HPSE2: variants seen among roughly 807,000 people sequenced by gnomAD.
HPSE2 encodes the protein heparanase 2 (inactive), also known as inactive heparanase-2.
HPSE2 carries 38 observed loss-of-function variants against 60.5 expected under a neutral mutation model. The ratio of observed to expected loss-of-function variants is 0.63; its 90% CI spans 0.48 to 0.82. HPSE2 has a LOEUF of 0.82. Among genes scored for constraint, HPSE2 ranks in the 40% least tolerant of loss-of-function variants. The pLI is 0.00. For missense variants in HPSE2, 713 were observed against 740.4 expected, an observed-to-expected ratio of 0.96 and a Z score of 0.43; for synonymous variants, 295 against 293.2, an observed-to-expected ratio of 1.01 and a Z score of -0.06.
chr10:98,929,795 T>A (rs1206092951), intron 3 of HPSE2, among the ~76,000 whole-genome samples: 1 of 144,250 alleles, frequency 6.9e-6, no homozygotes, highest in Non-Finnish European at 1.5e-5. Context: ...GAGCTGAGAA[T>A]TATTTTTACA....
intron 3 of HPSE2, among the ~76,000 whole-genome samples, chr10:98,894,457 A>G (rs1470534782): frequency 1.3e-5 from 2 of 152,324 alleles, no homozygotes; most frequent in Non-Finnish European, 2.9e-5. Flanking sequence ...GTTACCATTT[A>G]AAGTTCAATA....
chr10:99,072,575 A>T (rs1393385384), intron 3 of HPSE2, among the ~76,000 whole-genome samples: 1 of 152,214 alleles, frequency 6.6e-6, no homozygotes, highest in Non-Finnish European at 1.5e-5. Context: ...TGATCATTAG[A>T]GAAATGCAAA....
At chr10:99,094,540 A>ATATATATATATATAT (rs1843646305) in intron 3 of HPSE2, among the ~76,000 whole-genome samples, 1 of 26,612 alleles carries the variant, frequency 3.8e-5, no homozygotes, top group Non-Finnish European at 6.0e-5. Context: ...ATATATATAT[A>ATATATATATATATAT]TTTTTTTTTT....
At chr10:99,282,109 A>G in the HPSE2 span, among the ~76,000 whole-genome samples, 1 of 152,096 alleles carries the variant, frequency 6.6e-6, no homozygotes, top group South Asian at 2.1e-4. Context: ...CATACAAAAA[A>G]TTAGCCAGGC....
chr10:98,844,539 A>C (rs1951991679), intron 3 of HPSE2, among the ~76,000 whole-genome samples: 1 of 152,222 alleles, frequency 6.6e-6, no homozygotes. Context: ...AGACAAAGAT[A>C]GAGAAATATT....
At chr10:99,276,499 C>G in the HPSE2 span, among the ~76,000 whole-genome samples, 1 of 152,082 alleles carries the variant, frequency 6.6e-6, no homozygotes, top group Non-Finnish European at 1.5e-5. Context: ...CCTATTAGCC[C>G]CTTATTTTCT....
chr10:98,592,187 A>T (rs1306835370), intron 9 of HPSE2, among the ~76,000 whole-genome samples: 1 of 152,194 alleles, frequency 6.6e-6, no homozygotes, highest in African/African-American at 2.4e-5. Context: ...ATCTGATTTT[A>T]GTTAAACCTT....
intron 3 of HPSE2, among the ~76,000 whole-genome samples, chr10:98,891,565 C>T (rs1408786453): frequency 6.6e-6 from 1 of 152,038 alleles, no homozygotes; most frequent in Non-Finnish European, 1.5e-5. Flanking sequence ...CTTCCCACCT[C>T]AGCCTCTGGA....
At chr10:98,468,875 T>C (rs1940665139) in intron 11 of HPSE2, among the ~76,000 whole-genome samples, 1 of 152,174 alleles carries the variant, frequency 6.6e-6, no homozygotes, top group African/African-American at 2.4e-5. Flanking sequence ...TGGAGTTCCT[T>C]GTCCCTAAGA....
rs114631898 is a variant in HPSE2, at chr10:98,734,932, A to C, written c.784+8951T>G. ...ACACAAACACACACAAACACACACA[A>C]TTTCCCATTATTATCTTGCCTTGGT... On this transcript the variant is annotated intron_variant, in intron 4 of 11. Transcript: ENST00000370552. Among the ~76,000 whole-genome samples the C allele has an allele frequency of 3.7e-3, 554 of 150,204 alleles. 4 individuals are homozygous for C. The highest frequency in any genetic ancestry group is 0.013 in the African/African-American group (535 of 41,068).
chr10:98,925,891 A>G (rs1954444606), intron 3 of HPSE2, among the ~76,000 whole-genome samples: 1 of 152,156 alleles, frequency 6.6e-6, no homozygotes, highest in South Asian at 2.1e-4. Flanking sequence ...GGGATATTAA[A>G]GACAAGAAGA....
At chr10:98,892,534 T>C (rs750036140) in intron 3 of HPSE2, among the ~76,000 whole-genome samples, 4 of 152,320 alleles carry the variant, frequency 2.6e-5, no homozygotes, top group Non-Finnish European at 4.4e-5. Flanking sequence ...TTTCCCAATC[T>C]ACGAACTCTC....
At chr10:98,962,883 A>G (rs542989698) in intron 3 of HPSE2, among the ~76,000 whole-genome samples, 17 of 152,166 alleles carry the variant, frequency 1.1e-4, no homozygotes, top group Non-Finnish European at 1.3e-4. Context: ...AGGGATGTGA[A>G]GGACCTCTTC....
intron 3 of HPSE2, among the ~76,000 whole-genome samples, chr10:98,910,043 A>T (rs1234414144): frequency 1.3e-5 from 2 of 152,218 alleles, no homozygotes; most frequent in African/African-American, 4.8e-5. Context: ...CCATAATGCT[A>T]TTATAAGAAG....
At chr10:98,753,565 C>A (rs1949808741) in intron 3 of HPSE2, among the ~76,000 whole-genome samples, 1 of 152,056 alleles carries the variant, frequency 6.6e-6, no homozygotes, top group Non-Finnish European at 1.5e-5. Flanking sequence ...TATTATTCAC[C>A]CATAAAAAGG....
At chr10:98,626,738 C>G (rs1442269779) in intron 7 of HPSE2, among the ~76,000 whole-genome samples, 1 of 151,940 alleles carries the variant, frequency 6.6e-6, no homozygotes, top group African/African-American at 2.4e-5. Flanking sequence ...GGTGGCATGC[C>G]CAACTCAGAG....
Position 98,850,797 on chromosome 10 carries a change from T to A in HPSE2, c.611-106741A>T, listed in dbSNP as rs1259189879. Among the ~76,000 whole-genome samples, 12 of 150,590 alleles carry A rather than the reference T, an allele frequency of 8.0e-5. No individual in the cohort carries two copies. The East Asian group carries it at 2.3e-3, about 29-fold the overall frequency. On this transcript the variant is annotated intron_variant, in intron 3 of 11. Transcript: ENST00000370552. ...TAACCTTCCTAATACCCCTGCAAAG[T>A]GGATATTGCTACAGTTTGATGCAAT...
At chr10:98,698,453 A>G (rs1370171975) in intron 5 of HPSE2, among the ~76,000 whole-genome samples, 3 of 152,100 alleles carry the variant, frequency 2.0e-5, no homozygotes, top group Non-Finnish European at 4.4e-5. Context: ...GAGAACAAAG[A>G]CACAACATAC....
intron 3 of HPSE2, among the ~76,000 whole-genome samples, chr10:98,817,920 C>T (rs1192588055): frequency 4.6e-5 from 7 of 152,154 alleles, no homozygotes; most frequent in African/African-American, 1.7e-4. Context: ...TAACTTTTAT[C>T]CATTAATACA....
Sources: allele counts gnomAD v4.1 joint callset (sites outside exome capture counted in the v4.1 genomes callset), GRCh38; gene constraint gnomAD v4.1.1; transcripts MANE v1.5; gene names NCBI Gene and HGNC (gene_info 2026-07-23, HGNC 2026-07-21).